TENM2: variants seen among roughly 807,000 people sequenced by gnomAD.
TENM2 encodes teneurin-2.
TENM2 carries 52 observed loss-of-function variants against 245.2 expected under a neutral mutation model. That is an observed-to-expected ratio of 0.21 (90% CI 0.17 to 0.27). TENM2 has a LOEUF of 0.27. Ranked by LOEUF, TENM2 falls within the 10% of genes least tolerant of loss-of-function variation. The pLI, the probability that TENM2 is intolerant of heterozygous loss-of-function variation, is 1.00. For missense variants in TENM2, 3,046 were observed against 3,666.8 expected, an observed-to-expected ratio of 0.83 and a Z score of 4.37; for synonymous variants, 1,363 against 1,438.9, an observed-to-expected ratio of 0.95 and a Z score of 1.19.
intron 2 of TENM2, among the ~76,000 whole-genome samples, chr5:167,524,379 G>A (rs1444295716): frequency 6.6e-6 from 1 of 152,046 alleles, no homozygotes; most frequent in African/African-American, 2.4e-5. Context: ...AAGAGTGTCT[G>A]GCACACAGTG....
At chr5:167,813,395 A>ACACG (rs1766792129) in intron 2 of TENM2, among the ~76,000 whole-genome samples, 1 of 151,282 alleles carries the variant, frequency 6.6e-6, no homozygotes, top group African/African-American at 2.4e-5. Context: ...CTGCACACAC[A>ACACG]CACACACACA....
At chr5:167,222,715 A>T in the TENM2 span, among the ~76,000 whole-genome samples, 1 of 152,184 alleles carries the variant, frequency 6.6e-6, no homozygotes, top group South Asian at 2.1e-4. Flanking sequence ...AGAACTGTTT[A>T]CATCCCAGTT....
At chr5:167,744,125 T>G (rs948599940) in intron 2 of TENM2, among the ~76,000 whole-genome samples, 1 of 152,180 alleles carries the variant, frequency 6.6e-6, no homozygotes. Context: ...TATTACAAAA[T>G]CATCATGCTA....
chr5:166,987,441 G>GTC, the TENM2 span, among the ~76,000 whole-genome samples: 2 of 151,864 alleles, frequency 1.3e-5, no homozygotes, highest in African/African-American at 4.8e-5. Flanking sequence ...GTGTGTGTGT[G>GTC]TGTGTGTGTG....
At chr5:168,227,623 G>A (rs981506037) in intron 24 of TENM2, among the ~76,000 whole-genome samples, 5 of 149,758 alleles carry the variant, frequency 3.3e-5, no homozygotes, top group Admixed American at 2.0e-4. Flanking sequence ...ATGTTTAAAC[G>A]TGCTATTAAT....
chr5:167,385,330 A>G (rs1761352042), intron 2 of TENM2, among the ~76,000 whole-genome samples: 1 of 149,658 alleles, frequency 6.7e-6, no homozygotes, highest in African/African-American at 2.5e-5. Context: ...AATCTTTTAT[A>G]TTTTTATCTC....
intron 1 of TENM2, among the ~76,000 whole-genome samples, chr5:167,340,205 C>T (rs931817871): frequency 2.0e-5 from 3 of 152,168 alleles, no homozygotes; most frequent in East Asian, 1.9e-4. Context: ...TTGCCCCTAA[C>T]ATCTGTATTT....
At chr5:168,044,669 C>A (rs1195596595) in intron 5 of TENM2, among the ~76,000 whole-genome samples, 1 of 151,950 alleles carries the variant, frequency 6.6e-6, no homozygotes, top group African/African-American at 2.4e-5. Flanking sequence ...CTCTCTGTGG[C>A]CCTTAAGGAG....
intron 5 of TENM2, among the ~76,000 whole-genome samples, chr5:168,017,477 T>G (rs1212219491): frequency 6.6e-6 from 1 of 152,238 alleles, no homozygotes; most frequent in Non-Finnish European, 1.5e-5. Context: ...AAATGTCCTT[T>G]GCTCACTTTA....
chr5:167,397,837 C>G (rs1025988292), intron 2 of TENM2, among the ~76,000 whole-genome samples: 1 of 152,152 alleles, frequency 6.6e-6, no homozygotes, highest in East Asian at 1.9e-4. Flanking sequence ...GTCTCAGAAT[C>G]ATTTTCTCTA....
chr5:167,524,938 C>T (rs1194026628), intron 2 of TENM2, among the ~76,000 whole-genome samples: 1 of 151,926 alleles, frequency 6.6e-6, no homozygotes, highest in Non-Finnish European at 1.5e-5. Flanking sequence ...AACTGTAACA[C>T]ATCTGAAGTG....
intron 4 of TENM2, among the ~76,000 whole-genome samples, chr5:167,990,802 G>A (rs186939559): frequency 2.7e-4 from 41 of 152,196 alleles, no homozygotes; most frequent in Non-Finnish European, 2.9e-5. Flanking sequence ...CAGTCATATT[G>A]GGTTTGTTTG....
intron 2 of TENM2, among the ~76,000 whole-genome samples, chr5:167,456,149 A>T (rs1481490660): frequency 6.6e-6 from 1 of 152,194 alleles, no homozygotes; most frequent in Non-Finnish European, 1.5e-5. Context: ...GACTCTAAAA[A>T]ATCTCAAAAC....
chr5:167,888,793 G>A (rs1774502791), intron 3 of TENM2, among the ~76,000 whole-genome samples: 1 of 152,082 alleles, frequency 6.6e-6, no homozygotes. Flanking sequence ...TACGATTTCT[G>A]TTGCTTATTA....
intron 4 of TENM2, among the ~76,000 whole-genome samples, chr5:167,979,123 G>A (rs1782648570): frequency 6.6e-6 from 1 of 152,132 alleles, no homozygotes. Context: ...CAGGGTAAAT[G>A]CAACTCTTCA....
At chr5:167,833,358 C>T (rs1330389411) in intron 2 of TENM2, among the ~76,000 whole-genome samples, 1 of 152,116 alleles carries the variant, frequency 6.6e-6, no homozygotes, top group Non-Finnish European at 1.5e-5. Context: ...GATCAAATGA[C>T]CAAAGGACTT....
chr5:167,311,539 T>C (rs755145857), intron 1 of TENM2, among the ~76,000 whole-genome samples: 1 of 152,236 alleles, frequency 6.6e-6, no homozygotes, highest in African/African-American at 2.4e-5. Context: ...CATTGTCATA[T>C]GGATATATCA....
intron 5 of TENM2, among the ~76,000 whole-genome samples, chr5:168,029,610 A>G (rs1318771871): frequency 1.3e-5 from 2 of 152,190 alleles, no homozygotes; most frequent in Non-Finnish European, 2.9e-5. Flanking sequence ...CAAACTGTGC[A>G]CCTGCTTCAG....
At chr5:167,234,954 A>G in the TENM2 span, among the ~76,000 whole-genome samples, 3 of 152,204 alleles carry the variant, frequency 2.0e-5, no homozygotes, top group African/African-American at 7.2e-5. Context: ...TTCTTTATCC[A>G]TGACAATCTT....
Sources: gnomAD v4.1 joint callset for allele counts (sites outside exome capture counted in the v4.1 genomes callset) on GRCh38, gnomAD v4.1.1 for gene constraint, MANE v1.5 for transcripts, NCBI Gene and HGNC (gene_info 2026-07-23, HGNC 2026-07-21) for gene names.